The following MGMT variants were observed in gnomAD, a reference collection of about 807,000 sequenced individuals.
The protein encoded by MGMT is O-6-methylguanine-DNA methyltransferase.
A neutral mutation model predicts 15.9 loss-of-function variants in MGMT; 14 were observed. The ratio of observed to expected loss-of-function variants is 0.88; its 90% CI spans 0.58 to 1.37. MGMT has a LOEUF of 1.37. MGMT is among the 40% of genes most tolerant of loss of function. MGMT has a pLI of 0.00. For synonymous variants in MGMT, 130 were observed against 118.2 expected (o/e 1.10, Z -0.65); for missense variants, 282 against 268.1 (o/e 1.05, Z -0.36).
chr10:129,764,988 C>T (rs192475045), intron 4 of MGMT, among the ~76,000 whole-genome samples: 10 of 152,228 alleles, frequency 6.6e-5, no homozygotes, highest in Admixed American at 2.6e-4. Context: ...TTCTACGTGT[C>T]GTGCCAGCTG....
chr10:129,536,191 C>T lies in MGMT; in HGVS notation c.-12-50C>T, dbSNP rs369456513. The stretch of plus-strand genomic sequence containing the variant: ...GTACTTCTGTTGTGTGTTTTATATA[C>T]GACCAGCCTCTTACCTATACACTTT... On this transcript the variant is annotated intron_variant, in intron 1 of 4. Coordinates refer to ENST00000651593, the MANE Select transcript of MGMT (RefSeq NM_002412.5). 108 of 1,594,142 alleles carry T rather than the reference C, an allele frequency of 6.8e-5. No individual in the cohort carries two copies. The African/African-American group carries it at 9.5e-4, about 14-fold the overall frequency.
chr10:129,485,943 A>T (rs1304498495), intron 1 of MGMT, among the ~76,000 whole-genome samples: 1 of 152,228 alleles, frequency 6.6e-6, no homozygotes, highest in Non-Finnish European at 1.5e-5. Context: ...CTTTCTAGGC[A>T]TGTTTAAGCC....
At chr10:129,728,389 G>A (rs1228254116) in intron 3 of MGMT, among the ~76,000 whole-genome samples, 12 of 152,182 alleles carry the variant, frequency 7.9e-5, no homozygotes, top group Non-Finnish European at 1.5e-4. Flanking sequence ...AGTGATGGCT[G>A]ATGTGGTGTG....
At chr10:129,738,969 C>T (rs1340030428) in intron 3 of MGMT, among the ~76,000 whole-genome samples, 2 of 152,220 alleles carry the variant, frequency 1.3e-5, no homozygotes, top group Non-Finnish European at 2.9e-5. Flanking sequence ...ATCAAGTCGG[C>T]TTCATCCCTG....
At chr10:129,741,456 A>G (rs1038297279) in intron 3 of MGMT, among the ~76,000 whole-genome samples, 1 of 152,156 alleles carries the variant, frequency 6.6e-6, no homozygotes, top group Non-Finnish European at 1.5e-5. Flanking sequence ...CTGCATGGGA[A>G]AGGAGGCTGG....
At chr10:129,570,064 T>C (rs1473345950) in intron 2 of MGMT, among the ~76,000 whole-genome samples, 1 of 152,236 alleles carries the variant, frequency 6.6e-6, no homozygotes, top group Non-Finnish European at 1.5e-5. Context: ...CTTTACCAAG[T>C]TATCTCCATG....
At chr10:129,580,279 A>G (rs1002782112) in intron 2 of MGMT, among the ~76,000 whole-genome samples, 1 of 152,146 alleles carries the variant, frequency 6.6e-6, no homozygotes, top group African/African-American at 2.4e-5. Context: ...GACACTGCAT[A>G]CCATGTGTCA....
At chr10:129,717,711 C>G (rs1031576974) in intron 3 of MGMT, 1 of 152,114 alleles carries the variant, frequency 6.6e-6, no homozygotes, top group Non-Finnish European at 1.5e-5. Context: ...CGGCTGTGGT[C>G]CCTCCGTGCC....
intron 1 of MGMT, among the ~76,000 whole-genome samples, chr10:129,516,438 A>G (rs1038362006): frequency 6.6e-6 from 1 of 152,158 alleles, no homozygotes; most frequent in Non-Finnish European, 1.5e-5. Context: ...GTGAAGGGAT[A>G]CAGGTGTGTC....
At chr10:129,755,226 G>A (rs1219154584) in intron 3 of MGMT, among the ~76,000 whole-genome samples, 2 of 152,200 alleles carry the variant, frequency 1.3e-5, no homozygotes, top group African/African-American at 4.8e-5. Context: ...CCCTCCATTT[G>A]TGTTTCAGGT....
intron 2 of MGMT, among the ~76,000 whole-genome samples, chr10:129,687,798 T>C (rs533181135): frequency 5.9e-5 from 9 of 152,132 alleles, no homozygotes; most frequent in East Asian, 5.8e-4. Context: ...GCTGCACCCA[T>C]TAACTCATCA....
chr10:129,518,025 A>G (rs1207109372), intron 1 of MGMT, among the ~76,000 whole-genome samples: 1 of 152,004 alleles, frequency 6.6e-6, no homozygotes. Context: ...GTGGGCTCCC[A>G]GTGGCAGGCA....
At chr10:129,733,535 T>G (rs1226426169) in intron 3 of MGMT, among the ~76,000 whole-genome samples, 1 of 150,928 alleles carries the variant, frequency 6.6e-6, no homozygotes, top group Non-Finnish European at 1.5e-5. Context: ...TGGTAGTTTC[T>G]TTTGCTGTGC....
At chr10:129,637,566 A>C (rs1459380163) in intron 2 of MGMT, among the ~76,000 whole-genome samples, 1 of 152,156 alleles carries the variant, frequency 6.6e-6, no homozygotes, top group Admixed American at 6.5e-5. Flanking sequence ...TCACTCTCAG[A>C]TTTGTGCAAG....
chr10:129,509,373 C>A (rs1845658200), intron 1 of MGMT, among the ~76,000 whole-genome samples: 1 of 152,168 alleles, frequency 6.6e-6, no homozygotes, highest in Non-Finnish European at 1.5e-5. Flanking sequence ...ACACACCAGG[C>A]CCTGCACACG....
chr10:129,613,883 G>A (rs1276354469), intron 2 of MGMT, among the ~76,000 whole-genome samples: 3 of 152,224 alleles, frequency 2.0e-5, no homozygotes, highest in Non-Finnish European at 4.4e-5. Context: ...AACTGAAAGG[G>A]CCGGTCAGTG....
At chr10:129,733,774 A>G (rs994428735) in intron 3 of MGMT, among the ~76,000 whole-genome samples, 2,575 of 152,312 alleles carry the variant, frequency 0.017, 74 homozygotes, top group African/African-American at 0.058. Flanking sequence ...AACTTTCTAC[A>G]TATGGCTAGC....
intron 2 of MGMT, among the ~76,000 whole-genome samples, chr10:129,555,232 A>G (rs1846199813): frequency 1.3e-5 from 2 of 152,020 alleles, no homozygotes; most frequent in South Asian, 2.1e-4. Context: ...GAGCCCTCGC[A>G]CTCCCAGGCT....
At chr10:129,640,035 A>G (rs1847310446) in intron 2 of MGMT, among the ~76,000 whole-genome samples, 1 of 151,992 alleles carries the variant, frequency 6.6e-6, no homozygotes, top group African/African-American at 2.4e-5. Flanking sequence ...ACACTGAAAA[A>G]AAAAGTGCAT....
Sources: gnomAD v4.1 joint callset for allele counts (sites outside exome capture counted in the v4.1 genomes callset) on GRCh38, gnomAD v4.1.1 for gene constraint, MANE v1.5 for transcripts, NCBI Gene and HGNC (gene_info 2026-07-23, HGNC 2026-07-21) for gene names.